Variants in RABGEF1 observed in about 807,000 individuals in gnomAD.
RABGEF1 encodes the protein RAB guanine nucleotide exchange factor 1.
RABGEF1 carries 26 observed loss-of-function variants against 57.3 expected under a neutral mutation model. The observed-to-expected ratio is 0.45, with a 90% CI of 0.33 to 0.63. The LOEUF is 0.63. Among genes scored for constraint, RABGEF1 ranks in the 20% least tolerant of loss-of-function variants. The probability of loss-of-function intolerance (pLI) is 0.02; values close to 1 mark genes in which losing one functional copy is unlikely to be tolerated. For synonymous variants in RABGEF1, 185 were observed against 210.7 expected, an observed-to-expected ratio of 0.88 and a Z score of 1.06; for missense variants, 464 against 607.6, an observed-to-expected ratio of 0.76 and a Z score of 2.48.
chr7:66,809,216 A>G lies in RABGEF1; in HGVS notation c.1408A>G (p.Ile470Val), dbSNP rs190430075. 1.7e-5 allele frequency: 27 copies of G among 1,613,870 alleles called. No individual in the cohort carries two copies. The Admixed American group carries it at 3.8e-4, about 23-fold the overall frequency. Reference protein sequence around the residue: ...IKPPNQPLAAIDSENVENDKL... With the variant: ...IKPPNQPLAAVDSENVENDKL... ...GCCTCCGAATCAACCGTTAGCAGCT[A>G]TTGACTCTGAAAACGTTGAAAATGA... is the stretch of plus-strand genomic sequence containing the variant. Residue 470 changes from isoleucine to valine, a missense_variant, in exon 9 of 9, where the codon ATT becomes GTT. Transcript: ENST00000284957.
chr7:66,798,804 G>A (rs1328953046), intron 6 of RABGEF1, among the ~76,000 whole-genome samples: 5 of 152,120 alleles, frequency 3.3e-5, no homozygotes, highest in African/African-American at 7.2e-5. Flanking sequence ...TCTCGTAAAA[G>A]TACAGAAATT....
the RABGEF1 span, among the ~76,000 whole-genome samples, chr7:66,660,930 AAC>A: frequency 6.6e-6 from 1 of 152,172 alleles, no homozygotes; most frequent in African/African-American, 2.4e-5. Flanking sequence ...TTCTTAGGAA[AAC>A]AGTGCCAAAC....
chr7:66,664,717 C>T, the RABGEF1 span, among the ~76,000 whole-genome samples: 5 of 152,362 alleles, frequency 3.3e-5, no homozygotes, highest in South Asian at 8.3e-4. Flanking sequence ...GCCGGCCCAT[C>T]ACGCAGCCAG....
intron 4 of RABGEF1, among the ~76,000 whole-genome samples, chr7:66,788,318 G>A (rs1361893848): frequency 2.0e-5 from 3 of 151,970 alleles, no homozygotes; most frequent in Admixed American, 1.3e-4. Flanking sequence ...GGTGGCGCTC[G>A]CCTGTAGTCC....
rs1006886567 is a variant in RABGEF1 at position 66,809,631 on chromosome 7, A to G, written c.*347A>G. The stretch of plus-strand genomic sequence containing the variant: ...TAAACAAATGAATGCTACAAAGTGT[A>G]TGTTCAAGAAAATTAAATGGTACCA... On this transcript the variant is annotated 3_prime_UTR_variant, in exon 9 of 9. Transcript: ENST00000284957. The G allele has an allele frequency of 5.7e-6, 1 of 176,274 alleles. No homozygotes were observed. Among genetic ancestry groups the G allele is most frequent in the Non-Finnish European group, 1.2e-5 (1 of 83,936 alleles). The allele number at this position is 176,274 out of a possible 1,614,324, so 10.9% of individuals were successfully genotyped here.
At chr7:66,656,497 G>A in the RABGEF1 span, among the ~76,000 whole-genome samples, 1 of 152,128 alleles carries the variant, frequency 6.6e-6, no homozygotes, top group Admixed American at 6.6e-5. Context: ...AACCAGGGAA[G>A]GGTTTTTAGC....
chr7:66,792,599 G>A (rs76564753), intron 4 of RABGEF1, among the ~76,000 whole-genome samples: 3,213 of 152,274 alleles, frequency 0.021, 52 homozygotes, highest in Non-Finnish European at 0.033. Flanking sequence ...TCTCTTGAAG[G>A]AGGCACTATC....
chr7:66,727,448 C>T (rs899015339), intron 2 of RABGEF1, among the ~76,000 whole-genome samples: 2 of 152,248 alleles, frequency 1.3e-5, no homozygotes, highest in Non-Finnish European at 2.9e-5. Context: ...AAATTGGATT[C>T]ATGACCTTTC....
chr7:66,729,214 T>C (rs563767527), intron 2 of RABGEF1, among the ~76,000 whole-genome samples: 1 of 151,254 alleles, frequency 6.6e-6, no homozygotes, highest in South Asian at 2.1e-4. Context: ...CCTCCCAAAG[T>C]GCTGGGATTA....
upstream of RABGEF1, among the ~76,000 whole-genome samples, chr7:66,736,270 G>A (rs1797931482): frequency 6.6e-6 from 1 of 152,172 alleles, no homozygotes; most frequent in African/African-American, 2.4e-5. Context: ...GAGCACAGCA[G>A]AAAATACTGA....
In RABGEF1 at chr7:66,775,405, A is replaced by T; in HGVS notation, c.346+12A>T. ...CGGATCAAAGAAGGGTAATGTTCTG[A>T]TACTCTTTTTTTTCTTCTCTGCCTG... On this transcript the variant is annotated intron_variant, in intron 3 of 8. Transcript: ENST00000284957. 1 of 1,611,592 alleles carries T rather than the reference A, an allele frequency of 6.2e-7. No homozygotes were observed. Among genetic ancestry groups the T allele is most frequent in the Non-Finnish European group, 8.5e-7 (1 of 1,178,364 alleles).
chr7:66,794,083 G>T (rs906644232), intron 4 of RABGEF1, among the ~76,000 whole-genome samples: 7 of 152,004 alleles, frequency 4.6e-5, no homozygotes, highest in Admixed American at 2.0e-4. Context: ...TCCTAGTGAT[G>T]GTTGCTAAAA....
chr7:66,741,675 C>G (rs1798987976), intron 1 of RABGEF1, among the ~76,000 whole-genome samples: 1 of 152,178 alleles, frequency 6.6e-6, no homozygotes, highest in South Asian at 2.1e-4. Flanking sequence ...TTTCCCCCCT[C>G]TAAACCTAGA....
upstream of RABGEF1, chr7:66,682,132 G>T (rs1789823569): frequency 6.0e-6 from 1 of 167,900 alleles, no homozygotes; most frequent in Admixed American, 6.5e-5. Flanking sequence ...GCAAGCAGGG[G>T]GTGTGTGTGA....
At chr7:66,690,873 C>A (rs1791416577) in intron 1 of RABGEF1, among the ~76,000 whole-genome samples, 1 of 151,554 alleles carries the variant, frequency 6.6e-6, no homozygotes, top group Admixed American at 6.6e-5. Flanking sequence ...CACTTGAGAT[C>A]AGGGGTTGGA....
chr7:66,756,518 A>G (rs896092566), intron 1 of RABGEF1, among the ~76,000 whole-genome samples: 1 of 152,200 alleles, frequency 6.6e-6, no homozygotes, highest in Admixed American at 6.5e-5. Flanking sequence ...AAATTGTGTT[A>G]GTACTATTTC....
rs185076386 is a variant in RABGEF1 at position 66,809,872 on chromosome 7, T to C, written c.*588T>C. ...CCACTAAAATGACTCGAGAAGTGTT[T>C]AGACAAACTCCCCTTAAGATGTGCA... On this transcript the variant is annotated 3_prime_UTR_variant, in exon 9 of 9. Coordinates refer to ENST00000284957, the MANE Select transcript of RABGEF1 (RefSeq NM_014504.3). The C allele has an allele frequency of 1.2e-4, 18 of 152,818 alleles. No individual in the cohort carries two copies. Among genetic ancestry groups the C allele is most frequent in the African/African-American group, 4.1e-4 (17 of 41,578 alleles). The allele number at this position is 152,818 out of a possible 1,614,324, so 9.5% of individuals were successfully genotyped here.
chr7:66,659,921 A>G, the RABGEF1 span, among the ~76,000 whole-genome samples: 1 of 152,092 alleles, frequency 6.6e-6, no homozygotes, highest in Non-Finnish European at 1.5e-5. Context: ...GTGGAAATAA[A>G]TAAAGAAAAG....
the RABGEF1 span, among the ~76,000 whole-genome samples, chr7:66,674,028 A>G: frequency 6.6e-6 from 1 of 152,240 alleles, no homozygotes; most frequent in East Asian, 1.9e-4. Context: ...TAGCTACAGA[A>G]TAATACTAGT....
Sources: gnomAD v4.1 joint callset for allele counts (sites outside exome capture counted in the v4.1 genomes callset) on GRCh38, gnomAD v4.1.1 for gene constraint, MANE v1.5 for transcripts, NCBI Gene and HGNC (gene_info 2026-07-23, HGNC 2026-07-21) for gene names.